The following CDK13 variants were observed in gnomAD, a reference collection of about 807,000 sequenced individuals.
The protein encoded by CDK13 is cyclin-dependent kinase 13.
In CDK13, 40 loss-of-function variants were observed where a neutral mutation model predicts 137.6. The observed-to-expected ratio is 0.29, with a 90% CI of 0.23 to 0.38. The LOEUF (loss-of-function observed/expected upper bound fraction) is 0.38, where lower values mean the gene tolerates loss of function less well. Among genes scored for constraint, CDK13 ranks in the 10% least tolerant of loss-of-function variants. CDK13 has a pLI of 1.00. For missense variants in CDK13, 1,704 were observed against 1,951.8 expected, an observed-to-expected ratio of 0.87 and a Z score of 2.39; for synonymous variants, 869 against 760.1, an observed-to-expected ratio of 1.14 and a Z score of -2.36.
intron 5 of CDK13, among the ~76,000 whole-genome samples, chr7:40,041,426 T>C (rs1167217138): frequency 1.3e-5 from 2 of 152,224 alleles, no homozygotes; most frequent in African/African-American, 4.8e-5. Flanking sequence ...TTTTATATTC[T>C]TTTATTTTGT....
Position 40,098,273 on chromosome 7 carries a change from T to C in CDK13, c.*3293T>C, listed in dbSNP as rs1787084698. ...TTGAGAAAAATGAAAAGTGAATACA[T>C]AAATGCTTAAAATCTGGTACTTCTG... On this transcript the variant is annotated 3_prime_UTR_variant, in exon 14 of 14. Coordinates refer to ENST00000181839, the MANE Select transcript of CDK13 (RefSeq NM_003718.5). The C allele has an allele frequency of 6.6e-6, 1 of 152,120 alleles. No homozygotes were observed. The allele number at this position is 152,120 out of a possible 1,614,324, so 9.4% of individuals were successfully genotyped here. A position where few individuals can be genotyped will look rare whatever the true frequency, so the allele number is the denominator to read the frequency against.
chr7:40,016,363 G>GAC lies in CDK13; in HGVS notation c.2353+14334_2353+14335dup, dbSNP rs560025959. 4.0e-4 allele frequency among the ~76,000 whole-genome samples: 61 copies of GAC among 152,256 alleles called. 1 individual carries two copies. The highest frequency in any genetic ancestry group is 1.7e-3 in the Admixed American group (26 of 15,294). On this transcript the variant is annotated intron_variant, in intron 5 of 13. Transcript: ENST00000181839. ...TTGGGTTGTTGTGAGACCTAAGTGA[G>GAC]ACAATATGTGAAGTATTTTCACCAT...
chr7:40,041,061 C>T (rs574255560), intron 5 of CDK13, among the ~76,000 whole-genome samples: 7 of 152,250 alleles, frequency 4.6e-5, no homozygotes, highest in Admixed American at 6.5e-5. Flanking sequence ...CACAGTGGCT[C>T]GTGCCTGTAA....
At chr7:40,084,759 A>G (rs980793997) in intron 11 of CDK13, among the ~76,000 whole-genome samples, 1 of 152,242 alleles carries the variant, frequency 6.6e-6, no homozygotes, top group African/African-American at 2.4e-5. Context: ...TGTAAGAGGC[A>G]CTGCTGAAGA....
chr7:39,976,317 T>TCACACACA (rs1240166684), intron 1 of CDK13, among the ~76,000 whole-genome samples: 35 of 63,812 alleles, frequency 5.5e-4, no homozygotes, highest in African/African-American at 8.7e-4. Flanking sequence ...TCTCTCTCTC[T>TCACACACA]CTCTCTCACA....
intron 1 of CDK13, among the ~76,000 whole-genome samples, chr7:39,971,372 C>T (rs554810180): frequency 2.6e-5 from 4 of 152,060 alleles, no homozygotes; most frequent in South Asian, 4.2e-4. Flanking sequence ...CAAAAACTAG[C>T]TGGGTGTGGT....
intron 5 of CDK13, among the ~76,000 whole-genome samples, chr7:40,043,076 C>T (rs1326963734): frequency 1.3e-5 from 2 of 152,190 alleles, no homozygotes; most frequent in Non-Finnish European, 2.9e-5. Flanking sequence ...CCATGCGCAG[C>T]CATCATTTGC....
intron 12 of CDK13, 40 bp downstream of exon 12, chr7:40,088,371 T>C: frequency 1.3e-6 from 2 of 1,503,384 alleles, no homozygotes; most frequent in Non-Finnish European, 1.8e-6. Context: ...TTCACATTGT[T>C]TTGCAGTTAA....
chr7:40,045,221 G>A (rs1298743507), intron 5 of CDK13, among the ~76,000 whole-genome samples: 5 of 152,106 alleles, frequency 3.3e-5, no homozygotes, highest in Admixed American at 6.5e-5. Flanking sequence ...TCGTAAGTAC[G>A]TTTGTATAGT....
At chr7:39,996,922 C>T (rs1218804153) in intron 2 of CDK13, among the ~76,000 whole-genome samples, 3 of 137,348 alleles carry the variant, frequency 2.2e-5, no homozygotes, top group Non-Finnish European at 4.5e-5. Flanking sequence ...CAGGATCTTG[C>T]CACTGCACTC....
chr7:39,952,379 T>C (rs1404432569), intron 1 of CDK13: 1 of 152,290 alleles, frequency 6.6e-6, no homozygotes, highest in East Asian at 1.9e-4. Flanking sequence ...AGCCTTTCTG[T>C]AAAGTTTATT....
At chr7:39,962,328 C>T (rs564838063) in intron 1 of CDK13, among the ~76,000 whole-genome samples, 1 of 152,222 alleles carries the variant, frequency 6.6e-6, no homozygotes, top group Non-Finnish European at 1.5e-5. Context: ...GATCACCATT[C>T]TAACTGGTGT....
chr7:39,984,094 C>G (rs1784285524), intron 1 of CDK13: 2 of 152,152 alleles, frequency 1.3e-5, no homozygotes, highest in Non-Finnish European at 2.9e-5. Context: ...CTAAACACTT[C>G]CCTCCACACT....
intron 7 of CDK13, among the ~76,000 whole-genome samples, chr7:40,050,898 ATG>A (rs1562749951): frequency 6.6e-6 from 1 of 152,218 alleles, no homozygotes; most frequent in African/African-American, 2.4e-5. Context: ...GATTCTTGTT[ATG>A]CAGATATTTG....
intron 12 of CDK13, among the ~76,000 whole-genome samples, chr7:40,089,719 AGAGAGTGTGTGTGTGTGTGT>A (rs1448508323): frequency 2.8e-5 from 4 of 143,192 alleles, no homozygotes; most frequent in African/African-American, 1.1e-4. Flanking sequence ...AGAGAGAGAG[AGAGAGTGTGTGTGTGTGTGT>A]GTGTGTGTGT....
At position 40,031,319 on chromosome 7, in the gene CDK13, C is replaced by G. The variant is rs1379668661; in HGVS notation, c.2354-14517C>G. ...GGCGGATCACTTGAGGTCAGGAGTT[C>G]AAGACCAGCCCGGCCAACATGGTGA... is the stretch of plus-strand genomic sequence containing the variant. On this transcript the variant is annotated intron_variant, in intron 5 of 13. Transcript: ENST00000181839. 2.0e-5 allele frequency among the ~76,000 whole-genome samples: 3 copies of G among 152,208 alleles called. No individual in the cohort carries two copies. In the East Asian group the frequency reaches 5.8e-4, roughly 30 times the overall value.
rs892160825 is a variant in CDK13 at position 39,997,366 on chromosome 7, A to G, written c.1872-128A>G. On this transcript the variant is annotated intron_variant, in intron 2 of 13. Coordinates refer to ENST00000181839, the MANE Select transcript of CDK13 (RefSeq NM_003718.5). ...TTACTTTAGCTGGAAAGAAACTTGG[A>G]CAATAGTCTTATAATGTGAAATACT... is the stretch of plus-strand genomic sequence containing the variant. 16 of 748,748 alleles carry G rather than the reference A, an allele frequency of 2.1e-5. No individual in the cohort carries two copies. The South Asian group carries it at 2.3e-4, about 11-fold the overall frequency. 46.4% of individuals were successfully genotyped at this position (748,748 alleles called of 1,614,324 possible). A position where few individuals can be genotyped will look rare whatever the true frequency, so the allele number is the denominator to read the frequency against.
intron 1 of CDK13, among the ~76,000 whole-genome samples, chr7:39,975,909 T>C (rs1384931769): frequency 6.6e-6 from 1 of 152,188 alleles, no homozygotes; most frequent in Non-Finnish European, 1.5e-5. Flanking sequence ...TTTATGTTTT[T>C]AAAAGACAAA....
chr7:40,090,514 C>T lies in CDK13; in HGVS notation c.3235+2183C>T, dbSNP rs183157865. On this transcript the variant is annotated intron_variant, in intron 12 of 13. Coordinates refer to ENST00000181839, the MANE Select transcript of CDK13 (RefSeq NM_003718.5). ...GATTACAGGCATGTGCCATCACGCT[C>T]AGCTAATTTTTGTATTTTTAATAGA... Among the ~76,000 whole-genome samples the T allele has an allele frequency of 9.2e-5, 14 of 152,252 alleles. No homozygotes were observed. In the East Asian group the frequency reaches 1.4e-3, roughly 15 times the overall value.
Sources: allele counts gnomAD v4.1 joint callset (sites outside exome capture counted in the v4.1 genomes callset), GRCh38; gene constraint gnomAD v4.1.1; transcripts MANE v1.5; gene names NCBI Gene and HGNC (gene_info 2026-07-23, HGNC 2026-07-21).